Variants in ZC3H12B observed in about 807,000 individuals in gnomAD.
ZC3H12B encodes the protein zinc finger CCCH-type containing 12B.
ZC3H12B carries 7 observed loss-of-function variants against 43.9 expected under a neutral mutation model. The observed-to-expected ratio is 0.16, with a 90% CI of 0.09 to 0.30. The LOEUF (loss-of-function observed/expected upper bound fraction) is 0.30, where lower values mean the gene tolerates loss of function less well. ZC3H12B is among the 10% of genes least tolerant of loss of function. The pLI, the probability that ZC3H12B is intolerant of heterozygous loss-of-function variation, is 1.00. For missense variants in ZC3H12B, 475 were observed against 670.2 expected, an observed-to-expected ratio of 0.71 and a Z score of 3.22; for synonymous variants, 222 against 241.7, an observed-to-expected ratio of 0.92 and a Z score of 0.76.
chrX:65,103,746 C>T, the ZC3H12B span, among the ~76,000 whole-genome samples: 1 of 110,484 alleles, frequency 9.1e-6, no homozygotes, highest in South Asian at 3.8e-4. Context: ...CCTGACTTCC[C>T]GCAACACTCA....
intron 3 of ZC3H12B, among the ~76,000 whole-genome samples, chrX:65,466,727 CTTG>C (rs2067821975): frequency 9.5e-6 from 1 of 104,928 alleles, no homozygotes; most frequent in African/African-American, 3.4e-5. Flanking sequence ...CTGCCCAAAA[CTTG>C]TTGTAGTTCA....
chrX:65,366,628 C>T (rs763042948), upstream of ZC3H12B: 2 of 111,339 alleles, frequency 1.8e-5, no homozygotes, highest in East Asian at 2.8e-4. Flanking sequence ...TGTTTTTACC[C>T]CTCTACAAGG....
chrX:65,282,328 A>G, the ZC3H12B span, among the ~76,000 whole-genome samples: 2 of 111,483 alleles, frequency 1.8e-5, no homozygotes, highest in Middle Eastern at 9.2e-3. Context: ...AAAAACAACA[A>G]CAACAACAAA....
At chrX:65,087,028 C>T in the ZC3H12B span, among the ~76,000 whole-genome samples, 1 of 110,356 alleles carries the variant, frequency 9.1e-6, no homozygotes, top group Non-Finnish European at 1.9e-5. Context: ...TTCTGATGCT[C>T]TGGCTGGCCC....
At chrX:65,436,356 TAGG>T (rs906728841) in intron 3 of ZC3H12B, among the ~76,000 whole-genome samples, 42 of 112,239 alleles carry the variant, frequency 3.7e-4, no homozygotes, top group Admixed American at 3.5e-3. Context: ...TGTCCAAAGG[TAGG>T]AGAAGATGAA....
chrX:65,183,905 G>A, the ZC3H12B span, among the ~76,000 whole-genome samples: 1 of 111,095 alleles, frequency 9.0e-6, no homozygotes. Context: ...TTTTTATGTT[G>A]GCAAAGTAGA....
chrX:65,038,333 G>A, the ZC3H12B span, among the ~76,000 whole-genome samples: 1 of 110,802 alleles, frequency 9.0e-6, no homozygotes, highest in Non-Finnish European at 1.9e-5. Flanking sequence ...TAGTTTCTAG[G>A]CTCAACAAAT....
chrX:65,460,407 C>A (rs763050658), intron 3 of ZC3H12B, among the ~76,000 whole-genome samples: 1 of 112,041 alleles, frequency 8.9e-6, no homozygotes, highest in South Asian at 3.7e-4. Context: ...CCAAGTGAAT[C>A]CTAAACCAAA....
the ZC3H12B span, among the ~76,000 whole-genome samples, chrX:65,100,341 A>T: frequency 1.8e-5 from 2 of 108,737 alleles, no homozygotes; most frequent in African/African-American, 6.7e-5. Flanking sequence ...AACTTCCACA[A>T]CCTAGCAAGA....
intron 2 of ZC3H12B, among the ~76,000 whole-genome samples, chrX:65,383,695 A>T (rs2066477802): frequency 9.0e-6 from 1 of 110,994 alleles, no homozygotes; most frequent in Non-Finnish European, 1.9e-5. Flanking sequence ...AATTTTCACA[A>T]CCTACTCATC....
the ZC3H12B span, among the ~76,000 whole-genome samples, chrX:65,235,584 G>T: frequency 9.0e-6 from 1 of 111,102 alleles, no homozygotes; most frequent in Non-Finnish European, 1.9e-5. Context: ...TTGCATCCCA[G>T]CCTGGATTGC....
At chrX:65,076,968 G>A in the ZC3H12B span, among the ~76,000 whole-genome samples, 8 of 111,132 alleles carry the variant, frequency 7.2e-5, no homozygotes, top group African/African-American at 2.3e-4. Flanking sequence ...CTAGTTCTTT[G>A]CATAAGGAAT....
chrX:65,163,207 G>T, the ZC3H12B span, among the ~76,000 whole-genome samples: 96 of 111,535 alleles, frequency 8.6e-4, no homozygotes, highest in African/African-American at 2.9e-3. Flanking sequence ...TAGGTTGCTC[G>T]GGGGTCAGGG....
intron 2 of ZC3H12B, among the ~76,000 whole-genome samples, chrX:65,381,973 C>T (rs141310369): frequency 0.11 from 12,397 of 111,279 alleles, 1,659 homozygotes; most frequent in African/African-American, 0.38. Context: ...TACTTACCAA[C>T]GATAAAGAGT....
chrX:65,069,873 G>T, the ZC3H12B span, among the ~76,000 whole-genome samples: 1 of 111,371 alleles, frequency 9.0e-6, no homozygotes, highest in African/African-American at 3.3e-5. Context: ...GAAGATTTTT[G>T]CATCTATGTT....
the ZC3H12B span, among the ~76,000 whole-genome samples, chrX:65,305,330 T>TA: frequency 1.1e-4 from 12 of 106,912 alleles, no homozygotes; most frequent in South Asian, 4.0e-4. Flanking sequence ...CTGCAACATT[T>TA]AAAAAAAAAA....
the ZC3H12B span, among the ~76,000 whole-genome samples, chrX:65,230,758 G>C: frequency 1.4e-3 from 159 of 111,125 alleles, 3 homozygotes; most frequent in East Asian, 0.036. Flanking sequence ...ATCAACATCA[G>C]ACCTTTATTA....
the ZC3H12B span, among the ~76,000 whole-genome samples, chrX:65,226,570 A>G: frequency 8.9e-6 from 1 of 111,870 alleles, no homozygotes; most frequent in Non-Finnish European, 1.9e-5. Flanking sequence ...TGCTCCAATT[A>G]AAAGACACAG....
At chrX:65,256,101 C>A in the ZC3H12B span, among the ~76,000 whole-genome samples, 1 of 111,979 alleles carries the variant, frequency 8.9e-6, no homozygotes, top group Non-Finnish European at 1.9e-5. Context: ...GACTTCAACA[C>A]CTCATTGAAA....
Sources: gnomAD v4.1 joint callset for allele counts (sites outside exome capture counted in the v4.1 genomes callset) on GRCh38, gnomAD v4.1.1 for gene constraint, MANE v1.5 for transcripts, NCBI Gene and HGNC (gene_info 2026-07-23, HGNC 2026-07-21) for gene names.